Variants in EPS15L1 observed in about 807,000 individuals in gnomAD.
The protein encoded by EPS15L1 is epidermal growth factor receptor pathway substrate 15 like 1, also known as epidermal growth factor receptor substrate 15-like 1.
Under a neutral mutation model 117.1 loss-of-function variants are expected in EPS15L1, and 43 were observed. The ratio of observed to expected loss-of-function variants is 0.37; its 90% CI spans 0.29 to 0.47. The LOEUF (loss-of-function observed/expected upper bound fraction) is 0.47, where lower values mean the gene tolerates loss of function less well. Among genes scored for constraint, EPS15L1 ranks in the 20% least tolerant of loss-of-function variants. The probability of loss-of-function intolerance (pLI) is 0.99; values close to 1 mark genes in which losing one functional copy is unlikely to be tolerated. For synonymous variants in EPS15L1, 459 were observed against 470.5 expected (o/e 0.98, Z 0.32); for missense variants, 981 against 1,164.0 (o/e 0.84, Z 2.29).
At chr19:16,441,865 G>T in intron 3 of EPS15L1, 27 bp downstream of exon 3, 1 of 1,580,168 alleles carries the variant, frequency 6.3e-7, no homozygotes, top group Non-Finnish European at 8.7e-7. Context: ...AGCCACAGAA[G>T]AGAAATCACT....
intron 1 of EPS15L1, among the ~76,000 whole-genome samples, chr19:16,462,981 A>G (rs1319728606): frequency 6.6e-6 from 1 of 152,104 alleles, no homozygotes; most frequent in Admixed American, 6.5e-5. Flanking sequence ...AGTGTGTCAC[A>G]CTATGTCCTA....
chr19:16,395,934 G>GTGAGAT (rs112767263), intron 16 of EPS15L1, among the ~76,000 whole-genome samples: 67,390 of 142,616 alleles, frequency 0.47, 19,090 homozygotes, highest in African/African-American at 0.81. Context: ...GATAGAGTGA[G>GTGAGAT]TCTATCTCAA....
chr19:16,444,274 A>G (rs190249356), intron 1 of EPS15L1, among the ~76,000 whole-genome samples: 19 of 152,182 alleles, frequency 1.2e-4, no homozygotes, highest in African/African-American at 4.1e-4. Context: ...AGGAGCCATC[A>G]TTTTAAAACA....
At chr19:16,413,653 G>T in intron 13 of EPS15L1, 120 bp downstream of exon 13, 1 of 808,476 alleles carries the variant, frequency 1.2e-6, no homozygotes, top group South Asian at 1.5e-5. Context: ...CAGCCCCCAA[G>T]AGCTCATGTT....
intron 22 of EPS15L1, among the ~76,000 whole-genome samples, chr19:16,364,247 A>C (rs1231543388): frequency 6.6e-6 from 1 of 152,126 alleles, no homozygotes; most frequent in Non-Finnish European, 1.5e-5. Context: ...TGCAATCTGG[A>C]AGGGGCCTAT....
intron 22 of EPS15L1, among the ~76,000 whole-genome samples, chr19:16,369,132 G>A (rs1431620391): frequency 3.3e-5 from 5 of 152,144 alleles, no homozygotes; most frequent in Admixed American, 3.3e-4. Context: ...TAAGACACAT[G>A]AGGGGAGTTT....
intron 23 of EPS15L1, among the ~76,000 whole-genome samples, chr19:16,356,134 G>A (rs751066118): frequency 2.4e-4 from 36 of 152,242 alleles, no homozygotes; most frequent in Admixed American, 4.6e-4. Flanking sequence ...CCCACGCAGA[G>A]AAGTGAGGAT....
chr19:16,437,620 T>G lies in EPS15L1; in HGVS notation c.309+150A>C, dbSNP rs1044011958. On this transcript the variant is annotated intron_variant, in intron 5 of 23. Transcript: ENST00000455140. Reference sequence around the variant, plus strand: ...ACCACTAAATAGTTCACTTTAAAATTATTAATTTTCTATTATGTGAATTTC... The same window carrying G: ...ACCACTAAATAGTTCACTTTAAAATGATTAATTTTCTATTATGTGAATTTC... 4.8e-6 allele frequency: 3 copies of G among 621,936 alleles called. No homozygotes were observed. The East Asian group carries it at 8.4e-5, about 17-fold the overall frequency. The allele number at this position is 621,936 out of a possible 1,614,324, so 38.5% of individuals were successfully genotyped here.
chr19:16,375,635 T>C (rs1387209020), intron 22 of EPS15L1, among the ~76,000 whole-genome samples: 1 of 152,240 alleles, frequency 6.6e-6, no homozygotes, highest in Non-Finnish European at 1.5e-5. Context: ...CTTTGTTGTT[T>C]TGTTTTTCCT....
rs1371350940 is a variant in EPS15L1 at position 16,371,332 on chromosome 19, C to T, written c.2380+5790G>A. On this transcript the variant is annotated intron_variant, in intron 22 of 23. Transcript: ENST00000455140. The surrounding 1 kb of genome is among the most constrained non-coding windows in gnomAD (Gnocchi z 4.7). ...AACTCACGGCCACCCTGGGTGGATG[C>T]CACACACAGGTACGGGAGGGGCTTG... is the stretch of plus-strand genomic sequence containing the variant. Among the ~76,000 whole-genome samples, 1 of 152,132 alleles carries T rather than the reference C, an allele frequency of 6.6e-6. No individual in the cohort carries two copies. The highest frequency in any genetic ancestry group is 6.5e-5 in the Admixed American group (1 of 15,280).
At chr19:16,471,979 A>C, upstream of EPS15L1, 1 of 1,264,624 alleles carries the variant, frequency 7.9e-7, no homozygotes, top group Non-Finnish European at 9.9e-7. This position sits in a 1 kb window ranked among gnomAD's most constrained non-coding sequence, Gnocchi z 4.8. Flanking sequence ...GCGCCGGGGG[A>C]ACGGGGGCGG....
At position 16,393,944 on chromosome 19, in the gene EPS15L1, A is replaced by T; in HGVS notation, c.1966+7T>A. 6.2e-7 allele frequency: 1 copy of T among 1,613,902 alleles called. No individual in the cohort carries two copies. Among genetic ancestry groups the T allele is most frequent in the Non-Finnish European group, 8.5e-7 (1 of 1,179,858 alleles). ...TAAAGACCGGTCCGGGAAACACTGA[A>T]TTTTACCTGTTGAAGTTGTCTGCTG... On this transcript the variant is annotated splice_region_variant and intron_variant, in intron 18 of 23. Transcript: ENST00000455140.
chr19:16,380,479 C>T (rs1469351027), intron 21 of EPS15L1, among the ~76,000 whole-genome samples: 1 of 152,054 alleles, frequency 6.6e-6, no homozygotes, highest in East Asian at 1.9e-4. Flanking sequence ...GTCACACAGA[C>T]ATGGCCCTCT....
chr19:16,403,048 T>C (rs2092618349), intron 15 of EPS15L1, among the ~76,000 whole-genome samples: 1 of 152,178 alleles, frequency 6.6e-6, no homozygotes, highest in Non-Finnish European at 1.5e-5. Flanking sequence ...AACTGGCTAA[T>C]GGAGCACAGA....
At chr19:16,418,134 C>T (rs756973939) in intron 10 of EPS15L1, 30 bp from the exon 11 acceptor site, 2 of 1,595,750 alleles carry the variant, frequency 1.3e-6, no homozygotes, top group East Asian at 2.2e-5. Context: ...GCTAATTACA[C>T]ATCACAGGCG....
Position 16,471,342 on chromosome 19 carries a change from T to C in EPS15L1, c.33+571A>G, listed in dbSNP as rs1003262596. ...TCGCATGTCTGTGTCGCGCTATCGA[T>C]ACTGCCCCTTCATAAGCGCATCAGG... On this transcript the variant is annotated intron_variant, in intron 1 of 23. Transcript: ENST00000455140. This position sits in a 1 kb window ranked among gnomAD's most constrained non-coding sequence, Gnocchi z 4.8. Among the ~76,000 whole-genome samples, 8 of 152,244 alleles carry C rather than the reference T, an allele frequency of 5.3e-5. No homozygotes were observed. The highest frequency in any genetic ancestry group is 7.3e-5 in the Non-Finnish European group (5 of 68,040).
chr19:16,386,229 G>A lies in EPS15L1; in HGVS notation c.2106C>T (p.Leu702=), dbSNP rs780173380. The change falls in exon 20 of 24, where the codon CTC becomes CTT. Residue 702 remains leucine, a splice_region_variant and synonymous_variant. Coordinates refer to ENST00000455140, the MANE Select transcript of EPS15L1 (RefSeq NM_001258374.3). ...AGGGATCACTGGATTCAAAGGGGTC[G>A]AGCTAAATGAAAGGAGAGAGGAAAG... is the stretch of plus-strand genomic sequence containing the variant. ...FTKNPSLPSK[L]DPFESSDPFS... 15 of 1,610,922 alleles carry A rather than the reference G, an allele frequency of 9.3e-6. No individual in the cohort carries two copies. Among genetic ancestry groups the A allele is most frequent in the South Asian group, 6.6e-5 (6 of 90,722 alleles).
intron 9 of EPS15L1, among the ~76,000 whole-genome samples, chr19:16,424,682 T>C (rs547707716): frequency 2.0e-4 from 30 of 151,916 alleles, no homozygotes; most frequent in Admixed American, 8.5e-4. Context: ...TTTTTTGAGA[T>C]AGAGTTTCGC....
intron 16 of EPS15L1, among the ~76,000 whole-genome samples, chr19:16,398,178 T>G (rs1316335708): frequency 6.6e-6 from 1 of 152,208 alleles, no homozygotes; most frequent in East Asian, 1.9e-4. Flanking sequence ...CGGTCTGGGC[T>G]GTGAATGAGT....
Sources: gnomAD v4.1 joint callset for allele counts (sites outside exome capture counted in the v4.1 genomes callset) on GRCh38, gnomAD v4.1.1 for gene constraint, Gnocchi (gnomAD v3.1) non-coding constraint, MANE v1.5 for transcripts, NCBI Gene and HGNC (gene_info 2026-07-23, HGNC 2026-07-21) for gene names.